PKDREJ: variants seen among roughly 807,000 people sequenced by gnomAD.
The protein encoded by PKDREJ is PKD and REJ homolog.
For missense variants in PKDREJ, 2,507 were observed against 2,807.2 expected (o/e 0.89, Z 2.42); for synonymous variants, 1,031 against 1,095.5 (o/e 0.94, Z 1.16).
At position 46,258,982 on chromosome 22, in the gene PKDREJ, CA is replaced by C. The variant is rs764778994; in HGVS notation, c.4340del (p.Leu1447CysfsTer13). ...TIPVQLLITF[L>X]FTCSQRKPQA... is the part of the protein sequence containing the mutation. ...GAGGTTTCCTCTGGGAACAGGTGAA[CA>C]AAAAAGTTATTAATAATTGCACAGG... On this transcript the variant is annotated frameshift_variant, in exon 1 of 1. Coordinates refer to ENST00000253255, the MANE Select transcript of PKDREJ (RefSeq NM_006071.2). LOFTEE classifies it low-confidence loss of function (END_TRUNC). The surrounding 1 kb of genome is among the most constrained non-coding windows in gnomAD (Gnocchi z 6.1). The C allele has an allele frequency of 6.2e-7, 1 of 1,613,820 alleles. No homozygotes were observed. The highest frequency in any genetic ancestry group is 1.3e-5 in the African/African-American group (1 of 74,898).
In PKDREJ at chr22:46,257,830, TG is replaced by T; in HGVS notation, c.5492del (p.Pro1831GlnfsTer19). Reference sequence around the variant, plus strand: ...AGCCAGAATAGTTTTTTGTGTCTTCTGGGTCAATGCCATATTTGGGGTGACA... The same window carrying T: ...AGCCAGAATAGTTTTTTGTGTCTTCTGGTCAATGCCATATTTGGGGTGACA... ...IHCHPKYGID[P>X]EDTKNYSGFW... On this transcript the variant is annotated frameshift_variant, in exon 1 of 1. Transcript: ENST00000253255. LOFTEE classifies it low-confidence loss of function (END_TRUNC). The surrounding 1 kb of genome is among the most constrained non-coding windows in gnomAD (Gnocchi z 4.7). 3 of 1,614,224 alleles carry T rather than the reference TG, an allele frequency of 1.9e-6. No individual in the cohort carries two copies. Among genetic ancestry groups the T allele is most frequent in the Non-Finnish European group, 2.5e-6 (3 of 1,180,040 alleles).
Position 46,262,074 on chromosome 22 carries a change from T to A in PKDREJ, c.1249A>T (p.Thr417Ser). Residue 417 changes from threonine (T) to serine (S), a missense_variant, in exon 1 of 1, where the codon ACA (threonine) becomes TCA (serine). By Grantham distance (58) the Thr-to-Ser change is moderately conservative (BLOSUM62 1). Transcript: ENST00000253255. This position sits in a 1 kb window ranked among gnomAD's most constrained non-coding sequence, Gnocchi z 8.1. ...CCTTTAAGTGTTTCTGGCAAAAGTG[T>A]CAGTACAGGGCCCGAGGCCCAGGGC... ...KWPWASGPVL[T>S]LLPETLKGDH... is the part of the protein sequence containing the mutation. The A allele has an allele frequency of 6.2e-7, 1 of 1,614,124 alleles. No individual in the cohort carries two copies. The highest frequency in any genetic ancestry group is 1.1e-5 in the South Asian group (1 of 91,066).
chr22:46,258,691 T>G lies in PKDREJ; in HGVS notation c.4632A>C (p.Ile1544=). The change falls in exon 1 of 1, where the codon ATA becomes ATC. Residue 1544 remains isoleucine, a synonymous_variant. Coordinates refer to ENST00000253255, the MANE Select transcript of PKDREJ (RefSeq NM_006071.2). This position sits in a 1 kb window ranked among gnomAD's most constrained non-coding sequence, Gnocchi z 6.1. ...CGGAATGGACATCCTGATCATCTTC[T>G]ATGTTGTTATTGGAATTTGTATTTG... ...LGPNTNSNNN[I]EDDQDVHSEQ... is the part of the protein sequence containing the mutation. 6.2e-7 allele frequency: 1 copy of G among 1,614,234 alleles called. No individual in the cohort carries two copies.
Position 46,263,103 on chromosome 22 carries a change from G to A in PKDREJ, c.220C>T (p.Arg74Cys), listed in dbSNP as rs1433691472. The A allele has an allele frequency of 1.5e-6, 2 of 1,309,110 alleles. No individual in the cohort carries two copies. The highest frequency in any genetic ancestry group is 3.1e-5 in the Admixed American group (1 of 31,902). The allele number at this position is 1,309,110 out of a possible 1,614,324, so 81.1% of individuals were successfully genotyped here. ...VRAGGAVLSG[R>C]GSLCFPHGGT... ...CCATGGGGGAAGCAGAGGCTGCCGCGGCCGCTCAGGACAGCGCCGCCCGCC... is the reference window on the plus strand; with the variant it reads ...CCATGGGGGAAGCAGAGGCTGCCGCAGCCGCTCAGGACAGCGCCGCCCGCC... The change falls in exon 1 of 1, where the codon CGC becomes TGC. Residue 74 changes from arginine to cysteine, a missense_variant. By Grantham distance (180) the Arg-to-Cys change is radical. Coordinates refer to ENST00000253255, the MANE Select transcript of PKDREJ (RefSeq NM_006071.2). The surrounding 1 kb of genome is among the most constrained non-coding windows in gnomAD (Gnocchi z 9.4).
In PKDREJ at chr22:46,257,729, C is replaced by T. The variant is rs1318602447; in HGVS notation, c.5594G>A (p.Trp1865Ter). 1.2e-6 allele frequency: 2 copies of T among 1,614,014 alleles called. No individual in the cohort carries two copies. The highest frequency in any genetic ancestry group is 1.7e-6 in the Non-Finnish European group (2 of 1,180,016). ...TAGTAGTCCATAGGAATAATATAGC[C>T]ATTGCGTTCCTTGAGGCTTATAAGT... ...GFTYKPQGTQ[W>*]LYYSYGLLHT... Residue 1865 changes from tryptophan to a stop codon, truncating the protein, a stop_gained, in exon 1 of 1, where the codon TGG (tryptophan) becomes TAG (stop). Transcript: ENST00000253255. LOFTEE classifies it low-confidence loss of function (END_TRUNC). This position sits in a 1 kb window ranked among gnomAD's most constrained non-coding sequence, Gnocchi z 4.7.
Position 46,263,101 on chromosome 22 carries a change from G to A in PKDREJ, c.222C>T (p.Arg74=), listed in dbSNP as rs1237687361. ...CGCCATGGGGGAAGCAGAGGCTGCC[G>A]CGGCCGCTCAGGACAGCGCCGCCCG... is the stretch of plus-strand genomic sequence containing the variant. ...VRAGGAVLSG[R]GSLCFPHGGT... is the part of the protein sequence containing the mutation. Residue 74 remains arginine, a synonymous_variant, in exon 1 of 1, where the codon CGC becomes CGT. Transcript: ENST00000253255. The surrounding 1 kb of genome is among the most constrained non-coding windows in gnomAD (Gnocchi z 9.4). 2 of 1,310,398 alleles carry A rather than the reference G, an allele frequency of 1.5e-6. No homozygotes were observed. The highest frequency in any genetic ancestry group is 2.0e-6 in the Non-Finnish European group (2 of 1,020,510). The allele number at this position is 1,310,398 out of a possible 1,614,324, so 81.2% of individuals were successfully genotyped here.
In PKDREJ at chr22:46,260,785, C is replaced by A; in HGVS notation, c.2538G>T (p.Val846=). 1 of 1,614,006 alleles carries A rather than the reference C, an allele frequency of 6.2e-7. No homozygotes were observed. Among genetic ancestry groups the A allele is most frequent in the East Asian group, 2.2e-5 (1 of 44,884 alleles). ...TCATTGAGGTGGTTTTGTTCCCTGG[C>A]ACTTTATTAGCCAGTATTGTGTCTG... is the stretch of plus-strand genomic sequence containing the variant. ...SLSDTILANK[V]PGNKTTSMRT... The change falls in exon 1 of 1, where the codon GTG becomes GTT. Residue 846 remains valine (V), a synonymous_variant. Coordinates refer to ENST00000253255, the MANE Select transcript of PKDREJ (RefSeq NM_006071.2). This position sits in a 1 kb window ranked among gnomAD's most constrained non-coding sequence, Gnocchi z 4.5.
Position 46,261,193 on chromosome 22 carries a change from C to T in PKDREJ, c.2130G>A (p.Leu710=), listed in dbSNP as rs151047109. The T allele has an allele frequency of 6.2e-4, 1,000 of 1,614,070 alleles. 4 individuals carry two copies. In the African/African-American group the frequency reaches 0.011, roughly 18 times the overall value. ...KKDFLPAGYL[L]YIVASVLNNM... is the part of the protein sequence containing the mutation. ...TATTCAAAACGGAAGCTACTATATA[C>T]AGTAAGTAACCTGCAGGTAAAAAAT... Residue 710 remains leucine, a synonymous_variant, in exon 1 of 1, where the codon CTG becomes CTA. Coordinates refer to ENST00000253255, the MANE Select transcript of PKDREJ (RefSeq NM_006071.2). The surrounding 1 kb of genome is among the most constrained non-coding windows in gnomAD (Gnocchi z 7.1).
chr22:46,258,936 A>G lies in PKDREJ; in HGVS notation c.4387T>C (p.Ser1463Pro). 6.2e-7 allele frequency: 1 copy of G among 1,614,164 alleles called. No individual in the cohort carries two copies. The highest frequency in any genetic ancestry group is 8.5e-7 in the Non-Finnish European group (1 of 1,180,028). ...RKPQADLKEV[S>P]PQKHPLMSEA... ...GACATTAGAGGATGCTTTTGAGGAGATACCTCCTTTAGATCCGCTTGAGGT... is the reference window on the plus strand; with the variant it reads ...GACATTAGAGGATGCTTTTGAGGAGGTACCTCCTTTAGATCCGCTTGAGGT... Residue 1463 changes from serine to proline, a missense_variant, in exon 1 of 1, where the codon TCT (serine) becomes CCT (proline). Coordinates refer to ENST00000253255, the MANE Select transcript of PKDREJ (RefSeq NM_006071.2). This position sits in a 1 kb window ranked among gnomAD's most constrained non-coding sequence, Gnocchi z 6.1.
At position 46,261,897 on chromosome 22, in the gene PKDREJ, ATC is replaced by A. The variant is rs757619807; in HGVS notation, c.1424_1425del (p.Arg475IlefsTer14). The part of the protein sequence containing the change: ...NCERNFIVSD[R>X]FSLFLNCTNC... Reference sequence around the variant, plus strand: ...TTTGTGCAATTTAGGAACAAAGAAAATCTATCAGAGACAATGAAGTTTCTCTC... The same window carrying A: ...TTTGTGCAATTTAGGAACAAAGAAAATATCAGAGACAATGAAGTTTCTCTC... On this transcript the variant is annotated frameshift_variant, in exon 1 of 1. Transcript: ENST00000253255. LOFTEE classifies it low-confidence loss of function (END_TRUNC). This position sits in a 1 kb window ranked among gnomAD's most constrained non-coding sequence, Gnocchi z 7.1. 6 of 1,614,080 alleles carry A rather than the reference ATC, an allele frequency of 3.7e-6. No homozygotes were observed. In the East Asian group the frequency reaches 1.3e-4, roughly 36 times the overall value.
chr22:46,257,694 C>T lies in PKDREJ; in HGVS notation c.5629G>A (p.Gly1877Arg). The T allele has an allele frequency of 6.2e-7, 1 of 1,614,192 alleles. No homozygotes were observed. Among genetic ancestry groups the T allele is most frequent in the Non-Finnish European group, 8.5e-7 (1 of 1,180,028 alleles). The change falls in exon 1 of 1, where the codon GGA becomes AGA. Residue 1877 changes from glycine to arginine, a missense_variant. By Grantham distance (125) the Gly-to-Arg change is moderately radical (BLOSUM62 -2). Coordinates refer to ENST00000253255, the MANE Select transcript of PKDREJ (RefSeq NM_006071.2). The surrounding 1 kb of genome is among the most constrained non-coding windows in gnomAD (Gnocchi z 4.7). ...YYSYGLLHTY[G>R]SGGYALYFFP... is the part of the protein sequence containing the mutation. ...AAATAGAGTGCATATCCTCCAGATC[C>T]ATAGGTGTGTAGTAGTCCATAGGAA...
chr22:46,256,815 C>G lies in PKDREJ; in HGVS notation c.6508G>C (p.Val2170Leu). 1 of 1,614,022 alleles carries G rather than the reference C, an allele frequency of 6.2e-7. No homozygotes were observed. The highest frequency in any genetic ancestry group is 1.1e-5 in the South Asian group (1 of 91,084). Residue 2170 changes from valine (V) to leucine (L), a missense_variant, in exon 1 of 1, where the codon GTA (valine) becomes CTA (leucine). Val to Leu is a conservative substitution (Grantham distance 32, BLOSUM62 1). Coordinates refer to ENST00000253255, the MANE Select transcript of PKDREJ (RefSeq NM_006071.2). The surrounding 1 kb of genome is among the most constrained non-coding windows in gnomAD (Gnocchi z 5.3). ...ICVLINLFQA[V>L]ILSAYEEMKQ... ...ATTTCCTCATATGCAGACAGAATTA[C>G]AGCCTGAAATAAGTTGATCAAGACG...
chr22:46,261,196 T>C lies in PKDREJ; in HGVS notation c.2127A>G (p.Leu709=), dbSNP rs1936692538. 1.2e-6 allele frequency: 2 copies of C among 1,614,062 alleles called. No individual in the cohort carries two copies. Among genetic ancestry groups the C allele is most frequent in the Non-Finnish European group, 1.7e-6 (2 of 1,179,980 alleles). Residue 709 remains leucine (L), a synonymous_variant, in exon 1 of 1, where the codon TTA becomes TTG. Transcript: ENST00000253255. The surrounding 1 kb of genome is among the most constrained non-coding windows in gnomAD (Gnocchi z 7.1). ...QKKDFLPAGY[L]LYIVASVLNN... ...TCAAAACGGAAGCTACTATATACAG[T>C]AAGTAACCTGCAGGTAAAAAATCCT...
In PKDREJ at chr22:46,258,692, A is replaced by G. The variant is rs901810836; in HGVS notation, c.4631T>C (p.Ile1544Thr). 21 of 1,613,966 alleles carry G rather than the reference A, an allele frequency of 1.3e-5. No homozygotes were observed. The highest frequency in any genetic ancestry group is 4.5e-5 in the East Asian group (2 of 44,898). ...LGPNTNSNNN[I>T]EDDQDVHSEQ... Reference sequence around the variant, plus strand: ...GGAATGGACATCCTGATCATCTTCTATGTTGTTATTGGAATTTGTATTTGG... The same window carrying G: ...GGAATGGACATCCTGATCATCTTCTGTGTTGTTATTGGAATTTGTATTTGG... Residue 1544 changes from isoleucine to threonine, a missense_variant, in exon 1 of 1, where the codon ATA becomes ACA. Transcript: ENST00000253255. This position sits in a 1 kb window ranked among gnomAD's most constrained non-coding sequence, Gnocchi z 6.1.
Position 46,260,155 on chromosome 22 carries a change from G to T in PKDREJ, c.3168C>A (p.Val1056=). Residue 1056 remains valine (V), a synonymous_variant, in exon 1 of 1, where the codon GTC becomes GTA. Transcript: ENST00000253255. The surrounding 1 kb of genome is among the most constrained non-coding windows in gnomAD (Gnocchi z 4.5). ...GTTGCAGCAGGGACACAGGGAGGCA[G>T]ACTACACGGGCCTTCTTCACTGTGC... ...PACTVKKARV[V]CLPVSLLQLI... 6.2e-7 allele frequency: 1 copy of T among 1,614,092 alleles called. No individual in the cohort carries two copies. Among genetic ancestry groups the T allele is most frequent in the Non-Finnish European group, 8.5e-7 (1 of 1,179,984 alleles).
Position 46,261,060 on chromosome 22 carries a change from C to A in PKDREJ, c.2263G>T (p.Val755Leu). Residue 755 changes from valine (V) to leucine (L), a missense_variant, in exon 1 of 1, where the codon GTA becomes TTA. Transcript: ENST00000253255. The surrounding 1 kb of genome is among the most constrained non-coding windows in gnomAD (Gnocchi z 7.1). ...GTTAATTTGGTAATAGTCATGACTA[C>A]CTGGCCAATTTCTACCAAAGTGCTT... ...PVSTLVEIGQ[V>L]VMTITKLTQK... 6.2e-7 allele frequency: 1 copy of A among 1,614,148 alleles called. No individual in the cohort carries two copies. The highest frequency in any genetic ancestry group is 8.5e-7 in the Non-Finnish European group (1 of 1,180,038).
chr22:46,262,750 C>T lies in PKDREJ; in HGVS notation c.573G>A (p.Val191=). 1.3e-6 allele frequency: 2 copies of T among 1,595,962 alleles called. No individual in the cohort carries two copies. The highest frequency in any genetic ancestry group is 1.7e-6 in the Non-Finnish European group (2 of 1,171,684). ...TECPTDGPAR[V]MLQAVNSSSH... ...TGGACGAGTTGACGGCCTGCAACATCACGCGCGCGGGGCCGTCTGTGGGGC... is the reference window on the plus strand; with the variant it reads ...TGGACGAGTTGACGGCCTGCAACATTACGCGCGCGGGGCCGTCTGTGGGGC... The change falls in exon 1 of 1, where the codon GTG becomes GTA. Residue 191 remains valine, a synonymous_variant. Coordinates refer to ENST00000253255, the MANE Select transcript of PKDREJ (RefSeq NM_006071.2). The surrounding 1 kb of genome is among the most constrained non-coding windows in gnomAD (Gnocchi z 8.1).
In PKDREJ at chr22:46,260,637, C is replaced by T. The variant is rs145663285; in HGVS notation, c.2686G>A (p.Gly896Ser). 516 of 1,613,964 alleles carry T rather than the reference C, an allele frequency of 3.2e-4. No individual in the cohort carries two copies. Among genetic ancestry groups the T allele is most frequent in the Non-Finnish European group, 4.2e-4 (497 of 1,179,974 alleles). The change falls in exon 1 of 1, where the codon GGT becomes AGT. Residue 896 changes from glycine (G) to serine (S), a missense_variant. Coordinates refer to ENST00000253255, the MANE Select transcript of PKDREJ (RefSeq NM_006071.2). This position sits in a 1 kb window ranked among gnomAD's most constrained non-coding sequence, Gnocchi z 4.5. ...YPTLNVSSVP[G>S]LSANGPISTM... ...GAAATGGGACCATTTGCAGACAGAC[C>T]AGGAACACTGCTCACATTGAGTGTT...
rs778276544 is a variant in PKDREJ, at chr22:46,259,008, G to A, written c.4315C>T (p.Pro1439Ser). Reference protein sequence around the residue: ...IGIESVLITIPVQLLITFLFT... With the variant: ...IGIESVLITISVQLLITFLFT... ...AAAAAAGTTATTAATAATTGCACAG[G>A]GATTGTAATTAAGACACTTTCAATT... The change falls in exon 1 of 1, where the codon CCT becomes TCT. Residue 1439 changes from proline to serine, a missense_variant. Coordinates refer to ENST00000253255, the MANE Select transcript of PKDREJ (RefSeq NM_006071.2). The surrounding 1 kb of genome is among the most constrained non-coding windows in gnomAD (Gnocchi z 6.8). The A allele has an allele frequency of 3.1e-6, 5 of 1,613,644 alleles. No homozygotes were observed. Among genetic ancestry groups the A allele is most frequent in the Non-Finnish European group, 4.2e-6 (5 of 1,179,804 alleles).
Sources: allele counts gnomAD v4.1 joint callset, GRCh38; gene constraint gnomAD v4.1.1; non-coding constraint Gnocchi (gnomAD v3.1); transcripts MANE v1.5; gene names NCBI Gene and HGNC (gene_info 2026-07-23, HGNC 2026-07-21).